Variants in SMYD3 observed in about 807,000 individuals in gnomAD.
SMYD3 encodes the protein SET and MYND domain containing 3.
SMYD3 carries 36 observed loss-of-function variants against 57.7 expected under a neutral mutation model. The observed-to-expected ratio is 0.62, with a 90% CI of 0.48 to 0.82. SMYD3 has a LOEUF of 0.82. Ranked by LOEUF, SMYD3 falls within the 40% of genes least tolerant of loss-of-function variation. The pLI, the probability that SMYD3 is intolerant of heterozygous loss-of-function variation, is 0.00. For missense variants in SMYD3, 515 were observed against 538.8 expected (o/e 0.96, Z 0.44); for synonymous variants, 211 against 195.0 (o/e 1.08, Z -0.68).
Position 245,876,989 on chromosome 1 carries a change from A to G in SMYD3, c.814-13103T>C, listed in dbSNP as rs537238706. ...CCGGGATTTAGGGAAAATGTCCCGGAGAAGAGGATGCATGAGTTCAGGCTT... is the reference window on the plus strand; with the variant it reads ...CCGGGATTTAGGGAAAATGTCCCGGGGAAGAGGATGCATGAGTTCAGGCTT... On this transcript the variant is annotated intron_variant, in intron 8 of 11. Transcript: ENST00000490107. Among the ~76,000 whole-genome samples, 13 of 152,234 alleles carry G rather than the reference A, an allele frequency of 8.5e-5. No homozygotes were observed. In the South Asian group the frequency reaches 2.7e-3, roughly 32 times the overall value.
chr1:245,843,540 ATGTGTGTG>A (rs10531765), intron 10 of SMYD3, among the ~76,000 whole-genome samples: 41,093 of 149,486 alleles, frequency 0.27, 5,790 homozygotes, highest in South Asian at 0.36. Context: ...GTATATATAT[ATGTGTGTG>A]TGTGTGTGTG....
chr1:246,191,047 T>C (rs2062730226), intron 5 of SMYD3, among the ~76,000 whole-genome samples: 1 of 152,208 alleles, frequency 6.6e-6, no homozygotes, highest in South Asian at 2.1e-4. Flanking sequence ...TACCCTAAGG[T>C]AGTTCAGAGA....
chr1:246,156,649 A>G lies in SMYD3; in HGVS notation c.531+170552T>C, dbSNP rs980310954. Among the ~76,000 whole-genome samples, 6 of 152,342 alleles carry G rather than the reference A, an allele frequency of 3.9e-5. 1 individual carries two copies. The highest frequency in any genetic ancestry group is 1.4e-4 in the African/African-American group (6 of 41,574). On this transcript the variant is annotated intron_variant, in intron 5 of 11. Transcript: ENST00000490107. ...TCTGCCCACAGGAGCTTAAGAGTCTAGTGGAGGAAACTAAATTAACATTTG... is the reference window on the plus strand; with the variant it reads ...TCTGCCCACAGGAGCTTAAGAGTCTGGTGGAGGAAACTAAATTAACATTTG...
At chr1:245,908,036 T>C (rs913824030) in intron 8 of SMYD3, among the ~76,000 whole-genome samples, 5 of 151,986 alleles carry the variant, frequency 3.3e-5, no homozygotes, top group African/African-American at 1.2e-4. Flanking sequence ...CTCAGGAAGC[T>C]GAGGCCGGAG....
intron 10 of SMYD3, among the ~76,000 whole-genome samples, chr1:245,826,425 G>A (rs1558393005): frequency 6.6e-6 from 1 of 152,162 alleles, no homozygotes; most frequent in South Asian, 2.1e-4. Flanking sequence ...ATGTTGCCCA[G>A]GCTGGTCTCA....
chr1:245,810,198 C>G (rs924772018), intron 10 of SMYD3, among the ~76,000 whole-genome samples: 1 of 152,180 alleles, frequency 6.6e-6, no homozygotes, highest in African/African-American at 2.4e-5. Flanking sequence ...GAACAAACAT[C>G]ACCTCTCTTG....
At chr1:245,924,643 A>G (rs2056230184) in intron 7 of SMYD3, among the ~76,000 whole-genome samples, 1 of 136,412 alleles carries the variant, frequency 7.3e-6, no homozygotes, top group Admixed American at 7.6e-5. Flanking sequence ...AATGTCTGAG[A>G]CTCTATTCCA....
intron 7 of SMYD3, among the ~76,000 whole-genome samples, chr1:245,927,565 C>G (rs114972604): frequency 3.3e-5 from 5 of 152,074 alleles, no homozygotes; most frequent in East Asian, 3.9e-4. Context: ...GATGCCCCCC[C>G]CTGCCCACGG....
At chr1:246,070,776 C>T (rs142288518) in intron 5 of SMYD3, among the ~76,000 whole-genome samples, 77 of 152,302 alleles carry the variant, frequency 5.1e-4, no homozygotes, top group African/African-American at 1.7e-3. Flanking sequence ...CACCTTTTAT[C>T]GCCTGCAAAT....
rs553019176 is a variant in SMYD3 at position 246,321,021 on chromosome 1, T to C, written c.531+6180A>G. 6.6e-5 allele frequency among the ~76,000 whole-genome samples: 10 copies of C among 152,156 alleles called. No homozygotes were observed. The South Asian group carries it at 2.1e-3, about 32-fold the overall frequency. Reference sequence around the variant, plus strand: ...AAGAAACTACTTTGATACCATGGAGTTTCTAAGAATGTTGGCAACAGTACA... The same window carrying C: ...AAGAAACTACTTTGATACCATGGAGCTTCTAAGAATGTTGGCAACAGTACA... On this transcript the variant is annotated intron_variant, in intron 5 of 11. Coordinates refer to ENST00000490107, the MANE Select transcript of SMYD3 (RefSeq NM_001167740.2).
At chr1:246,465,858 G>T (rs1256530284) in intron 1 of SMYD3, among the ~76,000 whole-genome samples, 1 of 152,170 alleles carries the variant, frequency 6.6e-6, no homozygotes, top group Non-Finnish European at 1.5e-5. Context: ...CTGCAACCTT[G>T]CCTCCTGGGT....
At chr1:245,860,963 A>C (rs1201336592) in intron 9 of SMYD3, among the ~76,000 whole-genome samples, 2 of 152,192 alleles carry the variant, frequency 1.3e-5, no homozygotes, top group African/African-American at 4.8e-5. Flanking sequence ...ACTTATTCTA[A>C]AGAGGTTCGA....
chr1:245,873,106 G>A (rs1205296227), intron 8 of SMYD3, among the ~76,000 whole-genome samples: 2 of 152,238 alleles, frequency 1.3e-5, no homozygotes, highest in African/African-American at 2.4e-5. Flanking sequence ...TGCTAAAAAT[G>A]AGCCTTCTGT....
intron 5 of SMYD3, among the ~76,000 whole-genome samples, chr1:246,120,113 A>G (rs557363930): frequency 6.6e-6 from 1 of 152,280 alleles, no homozygotes; most frequent in African/African-American, 2.4e-5. Context: ...AAACTTAGCA[A>G]CGCCTGTTTG....
At chr1:246,480,387 T>C (rs1265213728) in intron 1 of SMYD3, among the ~76,000 whole-genome samples, 1 of 152,228 alleles carries the variant, frequency 6.6e-6, no homozygotes, top group Admixed American at 6.5e-5. Context: ...TAATTGAACA[T>C]TTTCTGTAAC....
intron 10 of SMYD3, among the ~76,000 whole-genome samples, chr1:245,809,892 T>G (rs962966152): frequency 6.6e-6 from 1 of 152,218 alleles, no homozygotes; most frequent in Non-Finnish European, 1.5e-5. Flanking sequence ...GTCTTCATCA[T>G]AGATGACAGG....
chr1:246,424,796 T>G (rs1048411834), intron 1 of SMYD3, among the ~76,000 whole-genome samples: 1 of 152,236 alleles, frequency 6.6e-6, no homozygotes, highest in Non-Finnish European at 1.5e-5. Context: ...CAAATAGTTA[T>G]TTGCAAAATC....
chr1:245,803,978 A>G (rs2048008805), intron 10 of SMYD3, among the ~76,000 whole-genome samples: 1 of 150,174 alleles, frequency 6.7e-6, no homozygotes, highest in South Asian at 2.1e-4. Flanking sequence ...GAGTGGCACA[A>G]TCTCGGCTCA....
intron 5 of SMYD3, among the ~76,000 whole-genome samples, chr1:246,215,910 T>G (rs553772578): frequency 2.0e-5 from 3 of 152,074 alleles, no homozygotes; most frequent in Non-Finnish European, 4.4e-5. Flanking sequence ...ATAAAAATAT[T>G]TTTTCTATTG....
Sources: allele counts gnomAD v4.1 joint callset (sites outside exome capture counted in the v4.1 genomes callset), GRCh38; gene constraint gnomAD v4.1.1; transcripts MANE v1.5; gene names NCBI Gene and HGNC (gene_info 2026-07-23, HGNC 2026-07-21).